ADAM22: variants seen among roughly 807,000 people sequenced by gnomAD.
ADAM22 encodes disintegrin and metalloproteinase domain-containing protein 22.
ADAM22 carries 65 observed loss-of-function variants against 144.6 expected under a neutral mutation model. The ratio of observed to expected loss-of-function variants is 0.45; its 90% CI spans 0.37 to 0.55. The LOEUF (loss-of-function observed/expected upper bound fraction) is 0.55, where lower values mean the gene tolerates loss of function less well. Among genes scored for constraint, ADAM22 ranks in the 20% least tolerant of loss-of-function variants. ADAM22 has a pLI of 0.00. For synonymous variants in ADAM22, 391 were observed against 412.6 expected, an observed-to-expected ratio of 0.95 and a Z score of 0.63; for missense variants, 974 against 1,184.9, an observed-to-expected ratio of 0.82 and a Z score of 2.61.
chr7:88,001,943 T>C (rs903664276), intron 3 of ADAM22, among the ~76,000 whole-genome samples: 5 of 152,042 alleles, frequency 3.3e-5, no homozygotes, highest in Non-Finnish European at 5.9e-5. Flanking sequence ...ATGGCCATGC[T>C]GTGTCATCTC....
At chr7:88,146,169 G>GT (rs1836348720) in intron 17 of ADAM22, among the ~76,000 whole-genome samples, 1 of 152,150 alleles carries the variant, frequency 6.6e-6, no homozygotes, top group African/African-American at 2.4e-5. Context: ...AAAATCTGGT[G>GT]TAATAGTCTA....
intron 3 of ADAM22, among the ~76,000 whole-genome samples, chr7:87,979,872 A>G (rs956541817): frequency 6.6e-6 from 1 of 152,176 alleles, no homozygotes; most frequent in Non-Finnish European, 1.5e-5. Context: ...TTGGAAAGTC[A>G]GGTTCTTAGG....
chr7:87,958,639 C>T (rs750260894), intron 2 of ADAM22, among the ~76,000 whole-genome samples: 12 of 152,136 alleles, frequency 7.9e-5, no homozygotes, highest in Non-Finnish European at 1.5e-4. Context: ...CCTCTTCGGC[C>T]TCCCAAAGTG....
chr7:88,116,733 G>T lies in ADAM22; in HGVS notation c.538-12G>T, dbSNP rs1316207202. On this transcript the variant is annotated splice_polypyrimidine_tract_variant and intron_variant, in intron 6 of 31. Coordinates refer to ENST00000413139, the MANE Select transcript of ADAM22 (RefSeq NM_001324418.2). ...TGTACATGCTTAATCACTGTTGCTT[G>T]TGTCATTTCAGGAGGATTTCCATTT... 6.2e-7 allele frequency: 1 copy of T among 1,609,420 alleles called. No homozygotes were observed. Among genetic ancestry groups the T allele is most frequent in the Non-Finnish European group, 8.5e-7 (1 of 1,176,178 alleles).
chr7:88,168,116 CT>C lies in ADAM22; in HGVS notation c.2192-18del, dbSNP rs767654093. On this transcript the variant is annotated intron_variant, in intron 24 of 31. Transcript: ENST00000413139. ...GGATTTTATACCACTGATCTTCCTT[CT>C]TTCTTTTTTTTCCTCTCAGGTGTTG... 1.4e-5 allele frequency: 22 copies of C among 1,606,918 alleles called. No homozygotes were observed. The highest frequency in any genetic ancestry group is 1.8e-5 in the Non-Finnish European group (21 of 1,175,240).
chr7:87,982,738 A>G (rs1171746578), intron 3 of ADAM22, among the ~76,000 whole-genome samples: 1 of 127,300 alleles, frequency 7.9e-6, no homozygotes, highest in African/African-American at 2.9e-5. Flanking sequence ...CTTGTTGCCC[A>G]GGCTGGAGTG....
intron 2 of ADAM22, among the ~76,000 whole-genome samples, chr7:87,976,869 T>TC (rs141742745): frequency 0.035 from 5,205 of 148,130 alleles, 309 homozygotes; most frequent in African/African-American, 0.12. Context: ...GTTTTTTATT[T>TC]CTTTTTTTTT....
rs1334641914 is a variant in ADAM22 at position 87,935,042 on chromosome 7, G to A, written c.102G>A (p.Met34Ile). The A allele has an allele frequency of 6.2e-7, 1 of 1,614,210 alleles. No homozygotes were observed. Among genetic ancestry groups the A allele is most frequent in the East Asian group, 2.2e-5 (1 of 44,864 alleles). The change falls in exon 2 of 32, where the codon ATG (methionine) becomes ATA (isoleucine). Residue 34 changes from methionine (M) to isoleucine (I), a missense_variant. Met to Ile is a conservative substitution (Grantham distance 10, BLOSUM62 1). Coordinates refer to ENST00000413139, the MANE Select transcript of ADAM22 (RefSeq NM_001324418.2). ...TGCCTGGAGGAGACGCCTCATTGATGGAGCTAGAGAAGAGGAAGGAAAACC... is the reference window on the plus strand; with the variant it reads ...TGCCTGGAGGAGACGCCTCATTGATAGAGCTAGAGAAGAGGAAGGAAAACC... ...RCGQAGDASL[M>I]ELEKRKENRF... is the part of the protein sequence containing the mutation.
intron 2 of ADAM22, among the ~76,000 whole-genome samples, chr7:87,978,048 A>C (rs1316979906): frequency 2.0e-5 from 3 of 152,206 alleles, no homozygotes; most frequent in African/African-American, 7.2e-5. Context: ...AAAATCAGAT[A>C]AGATGAATGA....
intron 2 of ADAM22, among the ~76,000 whole-genome samples, chr7:87,968,119 T>A (rs1284121816): frequency 2.0e-5 from 3 of 152,196 alleles, no homozygotes; most frequent in Non-Finnish European, 4.4e-5. Flanking sequence ...ACATATTTTG[T>A]CATAAATAGT....
intron 2 of ADAM22, among the ~76,000 whole-genome samples, chr7:87,977,072 T>C (rs903928163): frequency 6.6e-6 from 1 of 152,242 alleles, no homozygotes; most frequent in Non-Finnish European, 1.5e-5. Flanking sequence ...AGAGTTATAG[T>C]TGAATGGTTC....
chr7:88,193,840 C>A (rs563838911), intron 31 of ADAM22, among the ~76,000 whole-genome samples: 2 of 152,338 alleles, frequency 1.3e-5, no homozygotes, highest in African/African-American at 4.8e-5. Context: ...TCTTTGATCC[C>A]AAACCTAAAT....
rs779993008 is a variant in ADAM22, at chr7:88,114,567, T to C, written c.474-17T>C. ...AGAGTCGATGGCCATGCCTAATTAT[T>C]TTTTTGTCGTTGGCAGTGGGATGTT... On this transcript the variant is annotated splice_polypyrimidine_tract_variant and intron_variant, in intron 5 of 31. Coordinates refer to ENST00000413139, the MANE Select transcript of ADAM22 (RefSeq NM_001324418.2). 4 of 1,613,278 alleles carry C rather than the reference T, an allele frequency of 2.5e-6. No individual in the cohort carries two copies. Among genetic ancestry groups the C allele is most frequent in the Non-Finnish European group, 3.4e-6 (4 of 1,179,520 alleles).
chr7:88,145,047 G>T (rs1428329951), intron 15 of ADAM22, 78 bp from the exon 16 acceptor site: 1 of 1,234,208 alleles, frequency 8.1e-7, no homozygotes, highest in Non-Finnish European at 1.2e-6. Flanking sequence ...GTATATTTGG[G>T]TATGGCACTT....
chr7:88,091,393 A>G (rs1289221423), intron 4 of ADAM22, among the ~76,000 whole-genome samples: 2 of 152,216 alleles, frequency 1.3e-5, no homozygotes, highest in African/African-American at 4.8e-5. Context: ...TATTCCTATA[A>G]GTGCTCACTT....
Position 88,181,556 on chromosome 7 carries a change from T to C in ADAM22, c.2547T>C (p.His849=), listed in dbSNP as rs373200368. The change falls in exon 28 of 32, where the codon CAT becomes CAC. Residue 849 remains histidine (H), a synonymous_variant. Coordinates refer to ENST00000413139, the MANE Select transcript of ADAM22 (RefSeq NM_001324418.2). ...GTGAAAGGATTCCAGACACAAAACATATTTCAGACATCTGTGAAAATGGGC... is the reference window on the plus strand; with the variant it reads ...GTGAAAGGATTCCAGACACAAAACACATTTCAGACATCTGTGAAAATGGGC... ...SWSERIPDTK[H]ISDICENGRP... is the part of the protein sequence containing the mutation. 6.8e-6 allele frequency: 11 copies of C among 1,613,908 alleles called. No individual in the cohort carries two copies. The African/African-American group carries it at 1.3e-4, about 20-fold the overall frequency.
chr7:88,066,381 A>G (rs951119103), intron 3 of ADAM22, among the ~76,000 whole-genome samples: 1 of 152,150 alleles, frequency 6.6e-6, no homozygotes, highest in African/African-American at 2.4e-5. Context: ...TGGCCAGGGT[A>G]ACTGGAAAAT....
rs370416129 is a variant in ADAM22, at chr7:88,025,187, A to G, written c.323+46775A>G. ...CCACCAACAGTGTAAAAGTGTTCCT[A>G]TTTCTCCACATCCTCTCCAGCACCT... On this transcript the variant is annotated intron_variant, in intron 3 of 31. Coordinates refer to ENST00000413139, the MANE Select transcript of ADAM22 (RefSeq NM_001324418.2). Among the ~76,000 whole-genome samples, 24 of 152,142 alleles carry G rather than the reference A, an allele frequency of 1.6e-4. No individual in the cohort carries two copies. In the East Asian group the frequency reaches 3.9e-3, roughly 25 times the overall value.
At chr7:88,154,048 C>A (rs1277097395) in intron 21 of ADAM22, among the ~76,000 whole-genome samples, 1 of 152,194 alleles carries the variant, frequency 6.6e-6, no homozygotes, top group Admixed American at 6.5e-5. Context: ...GTGTGCTAAG[C>A]ACTGTATCAC....
Sources: gnomAD v4.1 joint callset for allele counts (sites outside exome capture counted in the v4.1 genomes callset) on GRCh38, gnomAD v4.1.1 for gene constraint, MANE v1.5 for transcripts, NCBI Gene and HGNC (gene_info 2026-07-23, HGNC 2026-07-21) for gene names.